The following DGKZ variants were observed in gnomAD, a reference collection of about 807,000 sequenced individuals.
DGKZ encodes DAG kinase zeta.
In DGKZ, 45 loss-of-function variants were observed where a neutral mutation model predicts 142.5. The observed-to-expected ratio is 0.32, with a 90% CI of 0.25 to 0.40. The LOEUF (loss-of-function observed/expected upper bound fraction) is 0.40. Among genes scored for constraint, DGKZ ranks in the 10% least tolerant of loss-of-function variants. The pLI is 1.00. For missense variants in DGKZ, 755 were observed against 1,306.5 expected, an observed-to-expected ratio of 0.58 and a Z score of 6.51; for synonymous variants, 442 against 527.0, an observed-to-expected ratio of 0.84 and a Z score of 2.21.
At chr11:46,378,421 T>G in intron 26 of DGKZ, 36 bp from the exon 27 acceptor site, 2 of 1,569,754 alleles carry the variant, frequency 1.3e-6, no homozygotes, top group Non-Finnish European at 1.7e-6. Flanking sequence ...AGCCCAGGCC[T>G]CCGACTGCAG....
chr11:46,378,113 A>T, intron 25 of DGKZ, 85 bp from the exon 26 acceptor site: 1 of 1,520,048 alleles, frequency 6.6e-7, no homozygotes, highest in Non-Finnish European at 8.9e-7. Context: ...TGTGGAAAGG[A>T]TGAAGATGCC....
At chr11:46,364,949 G>A (rs1346239373) in intron 1 of DGKZ, 1 of 985,480 alleles carries the variant, frequency 1.0e-6, no homozygotes. Flanking sequence ...CAGGGCCCAG[G>A]AGATCACCTG....
At chr11:46,366,244 C>A (rs768165684) in intron 1 of DGKZ, 1 of 1,562,860 alleles carries the variant, frequency 6.4e-7, no homozygotes, top group Non-Finnish European at 8.6e-7. Context: ...TGCCCAACAG[C>A]CAACCGCCTG....
chr11:46,364,653 G>A (rs1237905690), intron 1 of DGKZ: 11 of 985,356 alleles, frequency 1.1e-5, no homozygotes, highest in East Asian at 1.1e-4. Flanking sequence ...GCCTGAAGCT[G>A]CTCAAGACCT....
chr11:46,370,136 C>T (rs1943784981), intron 6 of DGKZ, 127 bp downstream of exon 6: 1 of 1,186,714 alleles, frequency 8.4e-7, no homozygotes, highest in South Asian at 1.3e-5. Flanking sequence ...GACCCTCAGC[C>T]TGGCTGCAGT....
chr11:46,343,823 G>A (rs927688120), upstream of DGKZ, among the ~76,000 whole-genome samples: 3 of 151,812 alleles, frequency 2.0e-5, no homozygotes, highest in Non-Finnish European at 2.9e-5. Flanking sequence ...CATAGCTCAC[G>A]CTCCCCATTC....
At chr11:46,351,783 T>C (rs2136407612) in intron 1 of DGKZ, among the ~76,000 whole-genome samples, 1 of 152,276 alleles carries the variant, frequency 6.6e-6, no homozygotes, top group Non-Finnish European at 1.5e-5. Flanking sequence ...CCACACAAGG[T>C]CAGGTGCCAG....
chr11:46,365,060 G>C, intron 1 of DGKZ: 1 of 985,334 alleles, frequency 1.0e-6, no homozygotes, highest in East Asian at 1.1e-4. Flanking sequence ...TAGGGCACAG[G>C]AGCTCGATGC....
At chr11:46,334,229 T>C (rs1230204635) in intron 1 of DGKZ, among the ~76,000 whole-genome samples, 2 of 152,094 alleles carry the variant, frequency 1.3e-5, no homozygotes, top group Non-Finnish European at 2.9e-5. Context: ...TACACAGAGG[T>C]TGGAGCTGGG....
chr11:46,366,441 G>C (rs1410059172), intron 1 of DGKZ: 2 of 1,550,348 alleles, frequency 1.3e-6, no homozygotes, highest in African/African-American at 2.7e-5. Flanking sequence ...TGCCTCCTGA[G>C]TTGCGGGGTG....
At chr11:46,362,510 A>G (rs1024603081) in intron 1 of DGKZ, among the ~76,000 whole-genome samples, 2 of 152,096 alleles carry the variant, frequency 1.3e-5, no homozygotes, top group African/African-American at 4.8e-5. Context: ...TGGTGGGTGT[A>G]GGCCCTGCCA....
chr11:46,367,583 T>A lies in DGKZ; in HGVS notation c.271-69T>A, dbSNP rs963492735. 6.3e-6 allele frequency: 3 copies of A among 472,490 alleles called. No individual in the cohort carries two copies. Among genetic ancestry groups the A allele is most frequent in the Non-Finnish European group, 4.9e-6 (2 of 410,174 alleles). The allele number at this position is 472,490 out of a possible 1,614,324, so 29.3% of individuals were successfully genotyped here. A position where few individuals can be genotyped will look rare whatever the true frequency, so the allele number is the denominator to read the frequency against. ...TGGGTTTGTCTTGGGAGAGGGCGGG[T>A]GGGCGGGGGCTGATGGGAGGGAGGG... On this transcript the variant is annotated intron_variant, in intron 2 of 30. Coordinates refer to ENST00000527911, the Ensembl canonical transcript of DGKZ. The surrounding 1 kb of genome is among the most constrained non-coding windows in gnomAD (Gnocchi z 4.1).
At chr11:46,359,520 C>T (rs375600563) in intron 1 of DGKZ, among the ~76,000 whole-genome samples, 1 of 152,322 alleles carries the variant, frequency 6.6e-6, no homozygotes, top group East Asian at 1.9e-4. Flanking sequence ...TTTCCAATGA[C>T]TGGTGCTTGA....
At chr11:46,363,116 G>A (rs1942853231) in intron 1 of DGKZ, among the ~76,000 whole-genome samples, 1 of 152,236 alleles carries the variant, frequency 6.6e-6, no homozygotes, top group East Asian at 1.9e-4. Flanking sequence ...CACGAGGTGA[G>A]AAGACACTGT....
exon 21 of DGKZ, chr11:46,375,874 T>C: frequency 6.4e-7 from 1 of 1,570,716 alleles, no homozygotes; most frequent in Non-Finnish European, 8.6e-7. Context: ...CCAGAGCAGT[T>C]GCGCATCCAG....
Position 46,373,000 on chromosome 11 carries a change from G to T in DGKZ, c.1225G>T (p.Val409Leu). ...GCCTGTGTCCAAGATCCTCTCCCACGTGGAGGAGGGGAACGTGGTACAGCT... is the reference window on the plus strand; with the variant it reads ...GCCTGTGTCCAAGATCCTCTCCCACTTGGAGGAGGGGAACGTGGTACAGCT... Residue 409 changes from valine to leucine, a missense_variant, in exon 14 of 31, where the codon GTG (valine) becomes TTG (leucine). Physicochemically the swap from Val to Leu is conservative, Grantham distance 32. Transcript: ENST00000527911. The surrounding 1 kb of genome is among the most constrained non-coding windows in gnomAD (Gnocchi z 5.9). 1 of 1,538,414 alleles carries T rather than the reference G, an allele frequency of 6.5e-7. No individual in the cohort carries two copies. Among genetic ancestry groups the T allele is most frequent in the Non-Finnish European group, 8.8e-7 (1 of 1,137,830 alleles).
upstream of DGKZ, chr11:46,345,224 T>G: frequency 7.5e-7 from 1 of 1,333,072 alleles, no homozygotes; most frequent in Non-Finnish European, 9.5e-7. This position sits in a 1 kb window ranked among gnomAD's most constrained non-coding sequence, Gnocchi z 4.1. Context: ...GGTCTGGGCT[T>G]GTCCCCACCT....
chr11:46,367,044 C>T lies in DGKZ; in HGVS notation c.162-247C>T, dbSNP rs1943390953. 3 of 1,469,704 alleles carry T rather than the reference C, an allele frequency of 2.0e-6. No individual in the cohort carries two copies. Among genetic ancestry groups the T allele is most frequent in the South Asian group, 2.7e-5 (2 of 73,030 alleles). 91.0% of individuals were successfully genotyped at this position (1,469,704 alleles called of 1,614,324 possible). ...TGACCTCCTGTGGGTCTGGCCTGGG[C>T]ATGGGCCTTGAAGCTCTGCCTGGCT... On this transcript the variant is annotated intron_variant, in intron 1 of 30. Transcript: ENST00000527911. The surrounding 1 kb of genome is among the most constrained non-coding windows in gnomAD (Gnocchi z 4.1).
upstream of DGKZ, among the ~76,000 whole-genome samples, chr11:46,343,095 G>A (rs971129351): frequency 2.6e-5 from 4 of 151,848 alleles, no homozygotes; most frequent in Non-Finnish European, 5.9e-5. Context: ...CTACACTCCA[G>A]CCTGGGTGAC....
Sources: allele counts gnomAD v4.1 joint callset (sites outside exome capture counted in the v4.1 genomes callset), GRCh38; gene constraint gnomAD v4.1.1; non-coding constraint Gnocchi (gnomAD v3.1); transcripts MANE v1.5; gene names NCBI Gene and HGNC (gene_info 2026-07-23, HGNC 2026-07-21).